The following GPR107 variants were observed in gnomAD, a reference collection of about 807,000 sequenced individuals.
GPR107 encodes protein GPR107.
GPR107 carries 31 observed loss-of-function variants against 75.5 expected under a neutral mutation model. The observed-to-expected ratio is 0.41, with a 90% CI of 0.31 to 0.55. The LOEUF (loss-of-function observed/expected upper bound fraction) is 0.55. GPR107 is among the 20% of genes least tolerant of loss of function. GPR107 has a pLI of 0.26. For synonymous variants in GPR107, 267 were observed against 251.3 expected, an observed-to-expected ratio of 1.06 and a Z score of -0.59; for missense variants, 572 against 665.7, an observed-to-expected ratio of 0.86 and a Z score of 1.55.
chr9:130,101,178 T>A lies in GPR107; in HGVS notation c.1086T>A (p.Leu362=). Residue 362 remains leucine (L), a synonymous_variant, in exon 12 of 18, where the codon CTT becomes CTA. Coordinates refer to ENST00000347136, the MANE Select transcript of GPR107 (RefSeq NM_020960.5). ...GTGWAFIKHI[L]SDKDKKIFMI... The stretch of plus-strand genomic sequence containing the variant: ...GCTGGGCTTTCATTAAGCACATCCT[T>A]TCTGATAAAGACAAAAAGATCTTCA... 6.2e-7 allele frequency: 1 copy of A among 1,604,994 alleles called. No individual in the cohort carries two copies. The highest frequency in any genetic ancestry group is 2.2e-5 in the East Asian group (1 of 44,854).
At chr9:130,093,608 A>G (rs1355174134) in intron 9 of GPR107, among the ~76,000 whole-genome samples, 1 of 152,140 alleles carries the variant, frequency 6.6e-6, no homozygotes, top group Non-Finnish European at 1.5e-5. Context: ...CACCCACCAG[A>G]TAGAAAGAGT....
At chr9:130,092,899 A>G (rs565950766) in intron 9 of GPR107, among the ~76,000 whole-genome samples, 9 of 152,150 alleles carry the variant, frequency 5.9e-5, no homozygotes, top group Admixed American at 2.0e-4. Flanking sequence ...GATTACAGGC[A>G]TGAGCCACCG....
At chr9:130,131,986 A>G (rs537385403) in intron 17 of GPR107, among the ~76,000 whole-genome samples, 4 of 152,214 alleles carry the variant, frequency 2.6e-5, no homozygotes, top group South Asian at 2.1e-4. Context: ...GGCTCAGGCA[A>G]TCCTTTCACC....
intron 1 of GPR107, among the ~76,000 whole-genome samples, chr9:130,066,737 G>A (rs1830077568): frequency 1.3e-5 from 2 of 152,268 alleles, no homozygotes; most frequent in Middle Eastern, 6.8e-3. Flanking sequence ...TGTAATCCCA[G>A]CACTTTGGGA....
chr9:130,130,456 TC>T (rs1831795816), intron 17 of GPR107, among the ~76,000 whole-genome samples: 1 of 152,176 alleles, frequency 6.6e-6, no homozygotes, highest in Admixed American at 6.5e-5. Flanking sequence ...CTTTCACCAC[TC>T]CCTGCATTAT....
In GPR107 at chr9:130,139,648, G is replaced by T. The variant is rs1002353058; in HGVS notation, c.*4527G>T. On this transcript the variant is annotated 3_prime_UTR_variant, in exon 18 of 18. Transcript: ENST00000347136. ...TCTGGCAGCAGGGTGTCTGCAGGTGGGACGGCGTTCTGGGCAGAGTCAGAA... is the reference window on the plus strand; with the variant it reads ...TCTGGCAGCAGGGTGTCTGCAGGTGTGACGGCGTTCTGGGCAGAGTCAGAA... 1 of 152,330 alleles carries T rather than the reference G, an allele frequency of 6.6e-6. No homozygotes were observed. The highest frequency in any genetic ancestry group is 1.5e-5 in the Non-Finnish European group (1 of 68,162). 9.4% of individuals were successfully genotyped at this position (152,330 alleles called of 1,614,324 possible).
intron 9 of GPR107, among the ~76,000 whole-genome samples, chr9:130,094,304 C>T (rs1830810340): frequency 6.6e-6 from 1 of 152,100 alleles, no homozygotes; most frequent in Admixed American, 6.5e-5. Flanking sequence ...ATTAGCTGGG[C>T]GTGGTGGCAG....
At chr9:130,118,325 G>A (rs1403446193) in intron 14 of GPR107, among the ~76,000 whole-genome samples, 5 of 152,176 alleles carry the variant, frequency 3.3e-5, no homozygotes, top group Admixed American at 3.3e-4. Context: ...TGGGAAGGAG[G>A]GGATAATCTG....
At chr9:130,108,645 G>A (rs571041670) in intron 14 of GPR107, among the ~76,000 whole-genome samples, 1 of 152,314 alleles carries the variant, frequency 6.6e-6, no homozygotes, top group African/African-American at 2.4e-5. Flanking sequence ...TTGGAGCCTT[G>A]GTCAGTGGTC....
At position 130,135,313 on chromosome 9, in the gene GPR107, T is replaced by G; in HGVS notation, c.*192T>G. 2.0e-6 allele frequency: 1 copy of G among 487,874 alleles called. No homozygotes were observed. The highest frequency in any genetic ancestry group is 3.6e-6 in the Non-Finnish European group (1 of 277,730). The allele number at this position is 487,874 out of a possible 1,614,324, so 30.2% of individuals were successfully genotyped here. ...TTTATGGAAACGATCTGTGGCTGTT[T>G]AGAGGCAGCTGGATCCTCTTTCAGG... On this transcript the variant is annotated 3_prime_UTR_variant, in exon 18 of 18. Coordinates refer to ENST00000347136, the MANE Select transcript of GPR107 (RefSeq NM_020960.5).
intron 15 of GPR107, among the ~76,000 whole-genome samples, chr9:130,126,029 C>T (rs74826433): frequency 0.31 from 46,858 of 149,080 alleles, 7,567 homozygotes; most frequent in Non-Finnish European, 0.37. Flanking sequence ...TGCACTCCAG[C>T]CTGGGCGACA....
At chr9:130,107,058 G>T (rs1831176203) in intron 13 of GPR107, among the ~76,000 whole-genome samples, 1 of 152,162 alleles carries the variant, frequency 6.6e-6, no homozygotes, top group Non-Finnish European at 1.5e-5. Flanking sequence ...CGATAAGTTT[G>T]CATGGTGCTG....
chr9:130,136,858 T>C lies in GPR107; in HGVS notation c.*1737T>C, dbSNP rs1265931953. The C allele has an allele frequency of 1.3e-5, 2 of 152,204 alleles. No individual in the cohort carries two copies. Among genetic ancestry groups the C allele is most frequent in the African/African-American group, 4.8e-5 (2 of 41,440 alleles). 9.4% of individuals were successfully genotyped at this position (152,204 alleles called of 1,614,324 possible). ...ACAGCTGCTCACCTCTCGGCAGATA[T>C]TTTAGGCAAGCATCCGTGTGTCTTC... On this transcript the variant is annotated 3_prime_UTR_variant, in exon 18 of 18. Coordinates refer to ENST00000347136, the MANE Select transcript of GPR107 (RefSeq NM_020960.5).
intron 1 of GPR107, among the ~76,000 whole-genome samples, chr9:130,061,860 C>T (rs979388035): frequency 1.3e-5 from 2 of 151,972 alleles, no homozygotes; most frequent in Non-Finnish European, 2.9e-5. Context: ...AGGAGAACCA[C>T]TTGAACCTGG....
In GPR107 at chr9:130,099,454, T is replaced by G; in HGVS notation, c.864-3T>G. 6.4e-7 allele frequency: 1 copy of G among 1,552,390 alleles called. No individual in the cohort carries two copies. ...TTTAATTGTTTTCTCTCTGTTTTTATAGGAATGATGTATTTAAAATCCACT... is the reference window on the plus strand; with the variant it reads ...TTTAATTGTTTTCTCTCTGTTTTTAGAGGAATGATGTATTTAAAATCCACT... On this transcript the variant is annotated splice_polypyrimidine_tract_variant and splice_region_variant and intron_variant, in intron 9 of 17. Coordinates refer to ENST00000347136, the MANE Select transcript of GPR107 (RefSeq NM_020960.5).
chr9:130,095,595 A>G (rs765704695), intron 9 of GPR107, among the ~76,000 whole-genome samples: 5 of 152,062 alleles, frequency 3.3e-5, no homozygotes, highest in African/African-American at 4.8e-5. Context: ...GGGTTTCACC[A>G]TGTTGGCTGG....
chr9:130,071,526 C>G (rs907228260), intron 1 of GPR107, among the ~76,000 whole-genome samples: 8 of 151,938 alleles, frequency 5.3e-5, no homozygotes, highest in African/African-American at 1.9e-4. Flanking sequence ...GTGTCTTCAT[C>G]GCTACCGTGG....
chr9:130,095,316 G>A (rs894381849), intron 9 of GPR107, among the ~76,000 whole-genome samples: 5 of 152,162 alleles, frequency 3.3e-5, no homozygotes, highest in Admixed American at 3.3e-4. Context: ...GGGTTCAGTG[G>A]TGTTTTAATT....
intron 13 of GPR107, among the ~76,000 whole-genome samples, chr9:130,107,173 A>T (rs550615886): frequency 6.6e-6 from 1 of 152,236 alleles, no homozygotes; most frequent in South Asian, 2.1e-4. Flanking sequence ...CTCCATTGTC[A>T]TGGGAGTGTT....
Sources: allele counts gnomAD v4.1 joint callset (sites outside exome capture counted in the v4.1 genomes callset), GRCh38; gene constraint gnomAD v4.1.1; transcripts MANE v1.5; gene names NCBI Gene and HGNC (gene_info 2026-07-23, HGNC 2026-07-21).